Variants in LEF1 observed in about 807,000 individuals in gnomAD.
LEF1 encodes the protein lymphoid enhancer binding factor 1.
In LEF1, 14 loss-of-function variants were observed where a neutral mutation model predicts 51.2. That is an observed-to-expected ratio of 0.27 (90% CI 0.18 to 0.43). LEF1 has a LOEUF of 0.43. Ranked by LOEUF, LEF1 falls within the 20% of genes least tolerant of loss-of-function variation. LEF1 has a pLI of 1.00. For missense variants in LEF1, 386 were observed against 512.0 expected (o/e 0.75, Z 2.37); for synonymous variants, 185 against 183.2 (o/e 1.01, Z -0.08).
chr4:108,056,366 T>C (rs1737301978), intron 11 of LEF1, among the ~76,000 whole-genome samples: 1 of 152,216 alleles, frequency 6.6e-6, no homozygotes, highest in African/African-American at 2.4e-5. Context: ...TCTACTGTCC[T>C]TGGATTCCAC....
At chr4:108,076,609 C>T (rs1738878290) in intron 8 of LEF1, among the ~76,000 whole-genome samples, 1 of 152,118 alleles carries the variant, frequency 6.6e-6, no homozygotes, top group East Asian at 1.9e-4. Flanking sequence ...AACTCCTGAC[C>T]TCAGGTGATC....
chr4:108,092,913 T>C (rs1337575060), intron 3 of LEF1, among the ~76,000 whole-genome samples: 2 of 24,714 alleles, frequency 8.1e-5, no homozygotes, highest in African/African-American at 2.0e-4. Flanking sequence ...AAACAATGAA[T>C]ATGTAAAAAA....
chr4:108,082,371 A>C (rs1739363367), intron 5 of LEF1, among the ~76,000 whole-genome samples: 1 of 152,156 alleles, frequency 6.6e-6, no homozygotes, highest in Admixed American at 6.5e-5. Context: ...ATGTATGCAT[A>C]ATCAATTAAG....
At chr4:108,154,553 GA>G (rs200638288) in intron 3 of LEF1, among the ~76,000 whole-genome samples, 2 of 132,272 alleles carry the variant, frequency 1.5e-5, no homozygotes, top group African/African-American at 2.8e-5. Context: ...ATACAAATAA[GA>G]AAAAAAAATA....
At chr4:108,162,680 A>G (rs1053548602) in intron 3 of LEF1, among the ~76,000 whole-genome samples, 5 of 152,090 alleles carry the variant, frequency 3.3e-5, no homozygotes, top group Admixed American at 2.0e-4. Context: ...TGTGTTTTTC[A>G]TTGGGGGTTA....
intron 1 of LEF1, chr4:108,166,657 C>G: frequency 9.9e-7 from 1 of 1,010,580 alleles, no homozygotes; most frequent in Non-Finnish European, 1.2e-6. Flanking sequence ...ACTCAGGTTA[C>G]CAGCTCTATC....
At chr4:108,159,602 C>T (rs1048142835) in intron 3 of LEF1, among the ~76,000 whole-genome samples, 4 of 152,154 alleles carry the variant, frequency 2.6e-5, no homozygotes, top group African/African-American at 9.7e-5. Context: ...CAGAAGCTTA[C>T]TGATTAGACA....
chr4:108,122,668 T>C (rs2110336145), intron 3 of LEF1, among the ~76,000 whole-genome samples: 1 of 152,078 alleles, frequency 6.6e-6, no homozygotes. Flanking sequence ...TTATTTTTTG[T>C]AGACATGGGG....
At chr4:108,072,476 C>T (rs892955975) in intron 8 of LEF1, among the ~76,000 whole-genome samples, 2 of 152,234 alleles carry the variant, frequency 1.3e-5, no homozygotes, top group Admixed American at 6.5e-5. Flanking sequence ...CTTTGAAAGC[C>T]CCTTAAAAGT....
Position 108,168,022 on chromosome 4 carries a change from C to T in LEF1, c.-255G>A. The stretch of plus-strand genomic sequence containing the variant: ...CGACGCAGGCGCCCGCCCCCGAGGC[C>T]GAAGGGCACTGGGCGGCGAGGGCTG... On this transcript the variant is annotated 5_prime_UTR_variant, in exon 1 of 12. Transcript: ENST00000265165. This position sits in a 1 kb window ranked among gnomAD's most constrained non-coding sequence, Gnocchi z 4.6. The T allele has an allele frequency of 5.7e-6, 1 of 174,424 alleles. No individual in the cohort carries two copies. The highest frequency in any genetic ancestry group is 1.2e-5 in the Non-Finnish European group (1 of 83,456). 10.8% of individuals were successfully genotyped at this position (174,424 alleles called of 1,614,324 possible).
At chr4:108,106,525 G>A (rs1741177736) in intron 3 of LEF1, among the ~76,000 whole-genome samples, 1 of 152,114 alleles carries the variant, frequency 6.6e-6, no homozygotes, top group Non-Finnish European at 1.5e-5. Context: ...AGTGTCCAGT[G>A]GAAGCAAGCC....
At chr4:108,125,001 GAGTTTA>G (rs1040226103) in intron 3 of LEF1, among the ~76,000 whole-genome samples, 3 of 152,074 alleles carry the variant, frequency 2.0e-5, no homozygotes, top group African/African-American at 7.2e-5. Flanking sequence ...TAATCATATA[GAGTTTA>G]GCTCATTCTG....
chr4:108,131,886 T>C (rs868356587), intron 3 of LEF1, among the ~76,000 whole-genome samples: 4 of 152,346 alleles, frequency 2.6e-5, no homozygotes, highest in Middle Eastern at 3.4e-3. Flanking sequence ...ACTGGTTGTA[T>C]AAAACCACAT....
chr4:108,125,623 C>T (rs1276224092), intron 3 of LEF1, among the ~76,000 whole-genome samples: 1 of 151,866 alleles, frequency 6.6e-6, no homozygotes. Flanking sequence ...CAGATATGTA[C>T]ATATTGCTGA....
intron 3 of LEF1, among the ~76,000 whole-genome samples, chr4:108,115,785 T>G (rs1489489672): frequency 6.6e-6 from 1 of 151,714 alleles, no homozygotes; most frequent in Non-Finnish European, 1.5e-5. Flanking sequence ...AATCCTTGCA[T>G]TTTACCAATA....
chr4:108,149,693 C>T (rs1305796937), intron 3 of LEF1, among the ~76,000 whole-genome samples: 4 of 149,046 alleles, frequency 2.7e-5, no homozygotes, highest in African/African-American at 9.9e-5. Flanking sequence ...GCCATTACAA[C>T]TGATGACACA....
chr4:108,098,503 A>AG (rs780043125), intron 3 of LEF1, among the ~76,000 whole-genome samples: 22 of 138,448 alleles, frequency 1.6e-4, no homozygotes, highest in Middle Eastern at 4.2e-3. Flanking sequence ...TCATATTCAA[A>AG]GGGGGGGCTT....
intron 3 of LEF1, among the ~76,000 whole-genome samples, chr4:108,118,528 CT>C (rs1741974825): frequency 6.6e-6 from 1 of 152,244 alleles, no homozygotes; most frequent in Non-Finnish European, 1.5e-5. Context: ...GACATTACTT[CT>C]AAATATCTAT....
At chr4:108,083,663 C>A (rs1484646260) in intron 4 of LEF1, among the ~76,000 whole-genome samples, 1 of 152,192 alleles carries the variant, frequency 6.6e-6, no homozygotes, top group African/African-American at 2.4e-5. Flanking sequence ...GGAACTCCTA[C>A]AGGAGTAAAG....
Sources: allele counts gnomAD v4.1 joint callset (sites outside exome capture counted in the v4.1 genomes callset), GRCh38; gene constraint gnomAD v4.1.1; non-coding constraint Gnocchi (gnomAD v3.1); transcripts MANE v1.5; gene names NCBI Gene and HGNC (gene_info 2026-07-23, HGNC 2026-07-21).